Variants in SSBP2 observed in about 807,000 individuals in gnomAD.
SSBP2 encodes single stranded DNA binding protein 2.
A neutral mutation model predicts 61.8 loss-of-function variants in SSBP2; 17 were observed. The observed-to-expected ratio is 0.28, with a 90% CI of 0.19 to 0.41. The LOEUF is 0.41. Among genes scored for constraint, SSBP2 ranks in the 10% least tolerant of loss-of-function variants. The pLI, the probability that SSBP2 is intolerant of heterozygous loss-of-function variation, is 1.00. For synonymous variants in SSBP2, 139 were observed against 141.3 expected (o/e 0.98, Z 0.12); for missense variants, 310 against 458.7 (o/e 0.68, Z 2.96).
intron 16 of SSBP2, among the ~76,000 whole-genome samples, chr5:81,427,895 G>A (rs961782309): frequency 2.0e-5 from 3 of 152,040 alleles, no homozygotes; most frequent in Non-Finnish European, 4.4e-5. Context: ...AAATTCCATT[G>A]GGGTTTCTAA....
chr5:81,440,630 T>C lies in SSBP2; in HGVS notation c.856A>G (p.Met286Val), dbSNP rs139911197. 2.2e-3 allele frequency: 3,434 copies of C among 1,595,738 alleles called. 3 individuals are homozygous for C. Among genetic ancestry groups the C allele is most frequent in the Middle Eastern group, 3.7e-3 (22 of 5,966 alleles). Residue 286 changes from methionine (M) to valine (V), a missense_variant, in exon 14 of 17, where the codon ATG becomes GTG. Around this residue, in one of 4 missense-constraint regions of SSBP2, gnomAD observed 209 missense variants for 286.4 expected, o/e 0.73. Coordinates refer to ENST00000320672, the MANE Select transcript of SSBP2 (RefSeq NM_012446.5). ...ATGGGACCATCTGACCCAGGACCCA[T>C]TGGAAACTATTTTAAAAATGAAGAA...
chr5:81,744,896 G>A (rs1757254420), intron 1 of SSBP2, among the ~76,000 whole-genome samples: 1 of 151,988 alleles, frequency 6.6e-6, no homozygotes, highest in South Asian at 2.1e-4. Context: ...GACACCAACT[G>A]AAGTTTGTCT....
intron 4 of SSBP2, among the ~76,000 whole-genome samples, chr5:81,588,525 T>C (rs575237633): frequency 6.2e-4 from 94 of 152,150 alleles, no homozygotes; most frequent in African/African-American, 2.2e-3. Flanking sequence ...AGACTATCTT[T>C]TTTTTTTCTA....
chr5:81,544,301 C>A lies in SSBP2; in HGVS notation c.283-30584G>T, dbSNP rs190620679. Among the ~76,000 whole-genome samples the A allele has an allele frequency of 7.2e-3, 1,104 of 152,296 alleles. 16 individuals carry two copies. The highest frequency in any genetic ancestry group is 0.026 in the African/African-American group (1,067 of 41,552). On this transcript the variant is annotated intron_variant, in intron 4 of 16. Transcript: ENST00000320672. ...TGACCTCGTGATCCGCCCCCCTCAG[C>A]CACCCAAGGTGCTTGGATTACAGAC...
chr5:81,596,432 C>T (rs1349690434), intron 4 of SSBP2, among the ~76,000 whole-genome samples: 1 of 114,566 alleles, frequency 8.7e-6, no homozygotes, highest in African/African-American at 3.5e-5. Context: ...TTTATACATT[C>T]AATGCCATCC....
At position 81,480,504 on chromosome 5, in the gene SSBP2, CTT is replaced by C. The variant is rs202182295; in HGVS notation, c.433-5944_433-5943del. On this transcript the variant is annotated intron_variant, in intron 6 of 16. Transcript: ENST00000320672. ...ATCTGAGGCTTCAGTTAGCTGTAATCTTTTGGCTTGTAGAAGTCTTGATGGTT... is the reference window on the plus strand; with the variant it reads ...ATCTGAGGCTTCAGTTAGCTGTAATCTTGGCTTGTAGAAGTCTTGATGGTT... Among the ~76,000 whole-genome samples, 1,228 of 152,266 alleles carry C rather than the reference CTT, an allele frequency of 8.1e-3. 12 individuals are homozygous for C. Among genetic ancestry groups the C allele is most frequent in the African/African-American group, 0.027 (1,114 of 41,562 alleles).
intron 4 of SSBP2, among the ~76,000 whole-genome samples, chr5:81,566,789 G>T (rs1395779109): frequency 6.6e-6 from 1 of 152,198 alleles, no homozygotes; most frequent in Non-Finnish European, 1.5e-5. Flanking sequence ...TTAAGTTTCA[G>T]GCTGAGGTGG....
At chr5:81,691,656 C>G (rs1475019104) in intron 1 of SSBP2, among the ~76,000 whole-genome samples, 1 of 152,038 alleles carries the variant, frequency 6.6e-6, no homozygotes, top group Non-Finnish European at 1.5e-5. Context: ...AATACCACCT[C>G]TACTCAAATT....
At chr5:81,462,704 T>C (rs6896009) in intron 9 of SSBP2, among the ~76,000 whole-genome samples, 44,544 of 152,004 alleles carry the variant, frequency 0.29, 7,118 homozygotes, top group African/African-American at 0.4. Flanking sequence ...ACATAAGATA[T>C]GTGTTGACCA....
chr5:81,564,370 A>G (rs575157276), intron 4 of SSBP2, among the ~76,000 whole-genome samples: 2 of 152,332 alleles, frequency 1.3e-5, no homozygotes, highest in African/African-American at 4.8e-5. Context: ...AGGTGCTGTA[A>G]AAGAAGCCAA....
At position 81,712,739 on chromosome 5, in the gene SSBP2, T is replaced by TG. The variant is rs948334080; in HGVS notation, c.62+38241_62+38242insC. On this transcript the variant is annotated intron_variant, in intron 1 of 16. Coordinates refer to ENST00000320672, the MANE Select transcript of SSBP2 (RefSeq NM_012446.5). ...TTGTTTGTTTCTTTGTTTTTTTTTT[T>TG]TTGTTTTTTTTGACACAGGGTCTCA... Among the ~76,000 whole-genome samples the TG allele has an allele frequency of 8.0e-5, 12 of 149,922 alleles. No individual in the cohort carries two copies. The East Asian group carries it at 1.6e-3, about 19-fold the overall frequency.
chr5:81,714,680 G>A (rs1755053565), intron 1 of SSBP2, among the ~76,000 whole-genome samples: 1 of 151,990 alleles, frequency 6.6e-6, no homozygotes, highest in Non-Finnish European at 1.5e-5. Context: ...CATGTTTGTT[G>A]GCTGCATAAA....
intron 1 of SSBP2, 93 bp downstream of exon 1, chr5:81,750,888 C>T (rs1035799260): frequency 2.9e-6 from 4 of 1,390,126 alleles, no homozygotes; most frequent in East Asian, 5.2e-5. Flanking sequence ...GCTCCCCGGG[C>T]GGAGAGTGTC....
intron 15 of SSBP2, among the ~76,000 whole-genome samples, chr5:81,435,418 G>A (rs1325819781): frequency 2.0e-5 from 3 of 152,170 alleles, no homozygotes; most frequent in African/African-American, 4.8e-5. Flanking sequence ...TGTCCCCATA[G>A]TGCAGAAGGC....
intron 1 of SSBP2, among the ~76,000 whole-genome samples, chr5:81,747,005 C>G (rs959357087): frequency 8.5e-6 from 1 of 117,036 alleles, no homozygotes; most frequent in Non-Finnish European, 1.8e-5. Flanking sequence ...TTAAAACAAG[C>G]AATCAAACAA....
Position 81,596,114 on chromosome 5 carries a change from C to T in SSBP2, c.282+19359G>A, listed in dbSNP as rs1403034982. Among the ~76,000 whole-genome samples the T allele has an allele frequency of 3.3e-5, 5 of 152,260 alleles. No homozygotes were observed. In the South Asian group the frequency reaches 6.2e-4, roughly 19 times the overall value. On this transcript the variant is annotated intron_variant, in intron 4 of 16. Coordinates refer to ENST00000320672, the MANE Select transcript of SSBP2 (RefSeq NM_012446.5). ...CCAACGTCTCAGCCCAAAATCTCCT[C>T]AAGCTGATAAGCAACTTCAGCAAAG... is the stretch of plus-strand genomic sequence containing the variant.
At chr5:81,741,588 C>T (rs1163707783) in intron 1 of SSBP2, among the ~76,000 whole-genome samples, 4 of 152,092 alleles carry the variant, frequency 2.6e-5, no homozygotes, top group Non-Finnish European at 4.4e-5. Context: ...GGTATAAAAG[C>T]GAAAAAACCT....
intron 1 of SSBP2, among the ~76,000 whole-genome samples, chr5:81,687,057 G>T (rs1752866229): frequency 6.6e-6 from 1 of 152,130 alleles, no homozygotes; most frequent in Non-Finnish European, 1.5e-5. Context: ...AGTCATAACA[G>T]TACCTGGTTT....
At chr5:81,614,359 C>CAAAAAAAAAA (rs10659647) in intron 4 of SSBP2, among the ~76,000 whole-genome samples, 4 of 73,826 alleles carry the variant, frequency 5.4e-5, no homozygotes, top group Non-Finnish European at 5.0e-5. Flanking sequence ...GACTCCGTCT[C>CAAAAAAAAAA]AAAAAAAAAA....
Sources: allele counts gnomAD v4.1 joint callset (sites outside exome capture counted in the v4.1 genomes callset), GRCh38; gene constraint gnomAD v4.1.1; regional missense constraint gnomAD v4.1.1; transcripts MANE v1.5; gene names NCBI Gene and HGNC (gene_info 2026-07-23, HGNC 2026-07-21).